CAMSAP1: variants seen among roughly 807,000 people sequenced by gnomAD.
The protein encoded by CAMSAP1 is calmodulin-regulated spectrin-associated protein 1.
Under a neutral mutation model 143.5 loss-of-function variants are expected in CAMSAP1, and 58 were observed. That is an observed-to-expected ratio of 0.40 (90% CI 0.33 to 0.50). The LOEUF (loss-of-function observed/expected upper bound fraction) is 0.50. Ranked by LOEUF, CAMSAP1 falls within the 20% of genes least tolerant of loss-of-function variation. The pLI, the probability that CAMSAP1 is intolerant of heterozygous loss-of-function variation, is 0.45. For missense variants in CAMSAP1, 1,969 were observed against 2,115.7 expected (o/e 0.93, Z 1.36); for synonymous variants, 945 against 859.3 (o/e 1.10, Z -1.74).
chr9:135,891,832 T>C (rs983014439), intron 1 of CAMSAP1, among the ~76,000 whole-genome samples: 6 of 151,928 alleles, frequency 3.9e-5, no homozygotes, highest in African/African-American at 1.5e-4. Flanking sequence ...TATGAAAAAA[T>C]AGAGATCTCA....
intron 7 of CAMSAP1, among the ~76,000 whole-genome samples, chr9:135,844,105 T>C (rs532337175): frequency 1.4e-3 from 211 of 152,200 alleles, no homozygotes; most frequent in African/African-American, 4.3e-3. Context: ...GCAGACCTAA[T>C]AGACATCAAG....
chr9:135,822,492 G>A lies in CAMSAP1; in HGVS notation c.2169C>T (p.Pro723=). ...TCCACGGCTCTGAATCGTGGGAGTTGGGGCTTTTTGAACAACTAACATATA... is the reference window on the plus strand; with the variant it reads ...TCCACGGCTCTGAATCGTGGGAGTTAGGGCTTTTTGAACAACTAACATATA... The part of the protein sequence containing the change: ...GRLYVSCSKS[P]NSHDSEPWTL... The change falls in exon 11 of 17, where the codon CCC becomes CCT. Residue 723 remains proline (P), a synonymous_variant. Coordinates refer to ENST00000389532, the MANE Select transcript of CAMSAP1 (RefSeq NM_015447.4). This position sits in a 1 kb window ranked among gnomAD's most constrained non-coding sequence, Gnocchi z 6.1. The A allele has an allele frequency of 1.2e-6, 2 of 1,613,892 alleles. No homozygotes were observed. Among genetic ancestry groups the A allele is most frequent in the African/African-American group, 1.3e-5 (1 of 75,036 alleles).
chr9:135,833,242 C>T (rs1383502029), intron 7 of CAMSAP1, among the ~76,000 whole-genome samples: 6 of 152,136 alleles, frequency 3.9e-5, no homozygotes, highest in Non-Finnish European at 5.9e-5. Flanking sequence ...CCACTACGCC[C>T]GGCTAATTTT....
chr9:135,836,594 T>G (rs1280812993), intron 7 of CAMSAP1: 1 of 974,020 alleles, frequency 1.0e-6, no homozygotes, highest in South Asian at 4.8e-5. Context: ...CTACCCATTC[T>G]GCAGCCACAC....
chr9:135,904,857 T>G (rs1467413411), intron 1 of CAMSAP1, among the ~76,000 whole-genome samples: 1 of 151,680 alleles, frequency 6.6e-6, no homozygotes, highest in Non-Finnish European at 1.5e-5. Flanking sequence ...CCCAGCTACT[T>G]GGGAGGCTGA....
chr9:135,812,595 G>C (rs1187752189), intron 16 of CAMSAP1, among the ~76,000 whole-genome samples: 1 of 152,158 alleles, frequency 6.6e-6, no homozygotes, highest in Non-Finnish European at 1.5e-5. Flanking sequence ...TGATGGTTGT[G>C]CTACTCTATT....
rs776453249 is a variant in CAMSAP1, at chr9:135,850,314, G to A, written c.948+8C>T. The A allele has an allele frequency of 2.6e-5, 42 of 1,609,860 alleles. No individual in the cohort carries two copies. The highest frequency in any genetic ancestry group is 1.2e-4 in the South Asian group (11 of 90,312). ...TTTAAAACTGCATGCCAAATAATTC[G>A]TTATTACCTTCAACACTAATGGCGC... On this transcript the variant is annotated splice_region_variant and intron_variant, in intron 6 of 16. Transcript: ENST00000389532.
intron 5 of CAMSAP1, among the ~76,000 whole-genome samples, chr9:135,853,018 A>T (rs916951803): frequency 1.3e-5 from 2 of 152,312 alleles, no homozygotes; most frequent in Middle Eastern, 3.4e-3. Context: ...CACAGTCCAA[A>T]GCCTCTCCCC....
At position 135,868,203 on chromosome 9, in the gene CAMSAP1, C is replaced by T. The variant is rs576449866; in HGVS notation, c.586-1667G>A. ...AAAATGCTAAAAGAAGTTTTTTAGG[C>T]TGAAGGAAACGATACAGATGGAAAA... On this transcript the variant is annotated intron_variant, in intron 3 of 16. Coordinates refer to ENST00000389532, the MANE Select transcript of CAMSAP1 (RefSeq NM_015447.4). Among the ~76,000 whole-genome samples the T allele has an allele frequency of 8.6e-5, 13 of 151,628 alleles. No homozygotes were observed. The South Asian group carries it at 2.1e-3, about 24-fold the overall frequency.
intron 4 of CAMSAP1, among the ~76,000 whole-genome samples, chr9:135,864,393 C>A (rs1436267357): frequency 6.6e-6 from 1 of 152,356 alleles, no homozygotes; most frequent in South Asian, 2.1e-4. Context: ...GTGAGCTCTG[C>A]AGCAGAATCT....
At chr9:135,893,590 A>G (rs1838355623) in intron 1 of CAMSAP1, among the ~76,000 whole-genome samples, 1 of 152,204 alleles carries the variant, frequency 6.6e-6, no homozygotes, top group East Asian at 1.9e-4. Flanking sequence ...TGCCACTGAC[A>G]TGTAATTGGA....
chr9:135,871,698 G>A (rs1055952002), intron 3 of CAMSAP1, among the ~76,000 whole-genome samples: 2 of 151,930 alleles, frequency 1.3e-5, no homozygotes, highest in African/African-American at 4.8e-5. Flanking sequence ...GGAGACCAAG[G>A]CAGGAAGCTC....
At chr9:135,817,560 T>A (rs1835274306) in intron 14 of CAMSAP1, among the ~76,000 whole-genome samples, 1 of 151,856 alleles carries the variant, frequency 6.6e-6, no homozygotes, top group Admixed American at 6.6e-5. Context: ...CCCAGCTAAC[T>A]TTTTTTTGTA....
In CAMSAP1 at chr9:135,809,733, G is replaced by A. The variant is rs546546450; in HGVS notation, c.*1576C>T. 6.5e-6 allele frequency: 1 copy of A among 152,762 alleles called. No homozygotes were observed. The highest frequency in any genetic ancestry group is 2.4e-5 in the African/African-American group (1 of 41,572). 9.5% of individuals were successfully genotyped at this position (152,762 alleles called of 1,614,324 possible). On this transcript the variant is annotated 3_prime_UTR_variant, in exon 17 of 17. Coordinates refer to ENST00000389532, the MANE Select transcript of CAMSAP1 (RefSeq NM_015447.4). ...CAGGACTGTGTAACTCAGCACTTGA[G>A]AAATCATACAGCCTTTAGTTCCCTA...
intron 7 of CAMSAP1, among the ~76,000 whole-genome samples, chr9:135,844,226 A>C (rs192300651): frequency 1.4e-4 from 22 of 152,334 alleles, no homozygotes; most frequent in African/African-American, 5.1e-4. Context: ...GCAAATGCCA[A>C]AGAACGGAAA....
rs567516326 is a variant in CAMSAP1, at chr9:135,850,162, G to A, written c.1020C>T (p.Pro340=). 1 of 1,611,276 alleles carries A rather than the reference G, an allele frequency of 6.2e-7. No individual in the cohort carries two copies. The highest frequency in any genetic ancestry group is 8.5e-7 in the Non-Finnish European group (1 of 1,178,824). Residue 340 remains proline, a synonymous_variant, in exon 7 of 17, where the codon CCC becomes CCT. Transcript: ENST00000389532. The part of the protein sequence containing the change: ...FENVKPDFVQ[P]RDVQELKDAK... Reference sequence around the variant, plus strand: ...CGTCTTTCAGCTCCTGAACATCCCTGGGCTGAACAAAATCTGGCTTGACAT... The same window carrying A: ...CGTCTTTCAGCTCCTGAACATCCCTAGGCTGAACAAAATCTGGCTTGACAT...
intron 3 of CAMSAP1, among the ~76,000 whole-genome samples, chr9:135,871,204 T>C (rs1367121962): frequency 6.6e-6 from 1 of 152,178 alleles, no homozygotes; most frequent in Non-Finnish European, 1.5e-5. Flanking sequence ...ATTTCTTTAT[T>C]TTGAGATGGG....
intron 7 of CAMSAP1, among the ~76,000 whole-genome samples, chr9:135,839,691 ACC>A (rs1439793941): frequency 6.6e-6 from 1 of 152,134 alleles, no homozygotes; most frequent in Non-Finnish European, 1.5e-5. Flanking sequence ...GGCCGAGTGC[ACC>A]CATAAGACGG....
At position 135,824,613 on chromosome 9, in the gene CAMSAP1, C is replaced by T. The variant is rs1564423674; in HGVS notation, c.1315+176G>A. On this transcript the variant is annotated intron_variant, in intron 9 of 16. Coordinates refer to ENST00000389532, the MANE Select transcript of CAMSAP1 (RefSeq NM_015447.4). This position sits in a 1 kb window ranked among gnomAD's most constrained non-coding sequence, Gnocchi z 4.1. ...CAGGGAGTCAGAGGCTGCAGTGAGC[C>T]GAGATCGCGCCACAGCACTTCAGCC... 1.3e-5 allele frequency among the ~76,000 whole-genome samples: 2 copies of T among 152,090 alleles called. No homozygotes were observed. Among genetic ancestry groups the T allele is most frequent in the South Asian group, 4.1e-4 (2 of 4,820 alleles).
Sources: allele counts gnomAD v4.1 joint callset (sites outside exome capture counted in the v4.1 genomes callset), GRCh38; gene constraint gnomAD v4.1.1; non-coding constraint Gnocchi (gnomAD v3.1); transcripts MANE v1.5; gene names NCBI Gene and HGNC (gene_info 2026-07-23, HGNC 2026-07-21).